STK32A: variants seen among roughly 807,000 people sequenced by gnomAD.
The protein encoded by STK32A is serine/threonine-protein kinase 32A.
A neutral mutation model predicts 53.2 loss-of-function variants in STK32A; 41 were observed. That is an observed-to-expected ratio of 0.77 (90% CI 0.60 to 1.00). STK32A has a LOEUF of 1.00. Among genes scored for constraint, STK32A ranks in the 50% least tolerant of loss-of-function variants. STK32A has a pLI of 0.00. For missense variants in STK32A, 458 were observed against 485.8 expected (o/e 0.94, Z 0.54); for synonymous variants, 166 against 162.8 (o/e 1.02, Z -0.15).
intron 11 of STK32A, among the ~76,000 whole-genome samples, chr5:147,376,315 C>A (rs17106590): frequency 0.027 from 4,042 of 152,198 alleles, 184 homozygotes; most frequent in East Asian, 0.2. Context: ...GTGCTGCTAA[C>A]CCGTCTTGCA....
chr5:147,380,686 C>T (rs1358252668), intron 11 of STK32A, among the ~76,000 whole-genome samples: 1 of 152,148 alleles, frequency 6.6e-6, no homozygotes, highest in Non-Finnish European at 1.5e-5. Flanking sequence ...AGTGTCAAAG[C>T]AAATGCTTTG....
intron 8 of STK32A, 67 bp downstream of exon 8, chr5:147,361,681 A>C: frequency 6.1e-6 from 7 of 1,142,688 alleles, no homozygotes; most frequent in South Asian, 1.3e-5. Context: ...GAAAGAATGT[A>C]TTGTTTGCTA....
In STK32A at chr5:147,252,186, C is replaced by T. The variant is rs188322463; in HGVS notation, c.52+12500C>T. On this transcript the variant is annotated intron_variant, in intron 2 of 12. Transcript: ENST00000397936. ...CAATTTATTTCATCATCATTGTCAT[C>T]ATCATTGTCACTGCTCACTCTTCAA... 3.4e-3 allele frequency among the ~76,000 whole-genome samples: 525 copies of T among 152,308 alleles called. 4 individuals carry two copies. Among genetic ancestry groups the T allele is most frequent in the African/African-American group, 0.012 (487 of 41,556 alleles).
chr5:147,280,298 G>T (rs1045703268), intron 4 of STK32A, among the ~76,000 whole-genome samples: 1 of 151,922 alleles, frequency 6.6e-6, no homozygotes, highest in African/African-American at 2.4e-5. Context: ...GACTCCGGGG[G>T]CAGGGGATAA....
intron 5 of STK32A, among the ~76,000 whole-genome samples, chr5:147,337,917 G>A (rs1226243529): frequency 6.6e-6 from 1 of 152,168 alleles, no homozygotes; most frequent in African/African-American, 2.4e-5. Context: ...AAAAGGAGAT[G>A]ATTAAGGAAG....
chr5:147,257,547 T>C (rs1754288665), intron 2 of STK32A, among the ~76,000 whole-genome samples: 1 of 152,178 alleles, frequency 6.6e-6, no homozygotes, highest in Admixed American at 6.5e-5. Context: ...GTTAAATTTT[T>C]CTTAGCTTTA....
intron 2 of STK32A, among the ~76,000 whole-genome samples, chr5:147,265,098 T>G (rs193181681): frequency 2.5e-4 from 2 of 8,084 alleles, no homozygotes; most frequent in Non-Finnish European, 4.5e-4. Flanking sequence ...TATATGTGTG[T>G]ATATATATAT....
the STK32A span, chr5:147,401,817 G>T: frequency 8.2e-7 from 1 of 1,222,898 alleles, no homozygotes; most frequent in Non-Finnish European, 1.1e-6. Context: ...ACTGACCTGG[G>T]TTCAAGTCCA....
downstream of STK32A, chr5:147,391,793 C>T (rs976054961): frequency 2.0e-5 from 3 of 152,168 alleles, no homozygotes; most frequent in Admixed American, 2.0e-4. Context: ...CATGTTGTTC[C>T]TCCCAAGGGC....
chr5:147,307,617 G>A (rs1018203472), intron 4 of STK32A, among the ~76,000 whole-genome samples: 2 of 113,848 alleles, frequency 1.8e-5, no homozygotes, highest in Non-Finnish European at 3.4e-5. Flanking sequence ...AGATCCAGAC[G>A]CTGTCTCAAA....
intron 5 of STK32A, among the ~76,000 whole-genome samples, chr5:147,328,204 C>T (rs985425728): frequency 2.0e-5 from 3 of 152,170 alleles, no homozygotes; most frequent in African/African-American, 7.2e-5. Flanking sequence ...GATGGAAGTC[C>T]TCACTTGTTT....
At position 147,323,946 on chromosome 5, in the gene STK32A, G is replaced by A; in HGVS notation, c.309G>A (p.Leu103=). The change falls in exon 5 of 13, where the codon CTG becomes CTA. Residue 103 remains leucine (L), a synonymous_variant. Coordinates refer to ENST00000397936, the MANE Select transcript of STK32A (RefSeq NM_001112724.2). ...EEDMFMVVDL[L]LGGDLRYHLQ... is the part of the protein sequence containing the mutation. Reference sequence around the variant, plus strand: ...ACATGTTCATGGTGGTGGACCTCCTGCTGGGTGGAGACCTGCGTTATCACC... The same window carrying A: ...ACATGTTCATGGTGGTGGACCTCCTACTGGGTGGAGACCTGCGTTATCACC... The A allele has an allele frequency of 1.2e-6, 2 of 1,613,560 alleles. No homozygotes were observed.
intron 2 of STK32A, among the ~76,000 whole-genome samples, chr5:147,266,073 C>CTGTAA (rs1754795632): frequency 6.6e-6 from 1 of 152,172 alleles, no homozygotes; most frequent in Admixed American, 6.5e-5. Context: ...ATGTCAGCAC[C>CTGTAA]TTTCTGTTGC....
Position 147,239,556 on chromosome 5 carries a change from C to G in STK32A, c.-79C>G. ...TATCCTAGATATCCAACTAAGGCTT[C>G]GGGACATGTTTTGAGCGAAGATGGG... On this transcript the variant is annotated 5_prime_UTR_variant, in exon 2 of 13. Transcript: ENST00000397936. 1 of 1,125,070 alleles carries G rather than the reference C, an allele frequency of 8.9e-7. No individual in the cohort carries two copies. Among genetic ancestry groups the G allele is most frequent in the South Asian group, 1.4e-5 (1 of 70,628 alleles). The allele number at this position is 1,125,070 out of a possible 1,614,324, so 69.7% of individuals were successfully genotyped here. A position where few individuals can be genotyped will look rare whatever the true frequency, so the allele number is the denominator to read the frequency against.
chr5:147,253,917 G>A (rs1326506329), intron 2 of STK32A, among the ~76,000 whole-genome samples: 1 of 152,150 alleles, frequency 6.6e-6, no homozygotes, highest in East Asian at 1.9e-4. Flanking sequence ...ATTCAGTTAA[G>A]GACAAAAATA....
the STK32A span, chr5:147,397,970 T>C: frequency 1.0e-6 from 1 of 989,864 alleles, no homozygotes; most frequent in Admixed American, 3.0e-5. Context: ...AAGCTCACCA[T>C]GCATCTGCAA....
At chr5:147,374,804 C>T (rs1291020646) in intron 10 of STK32A, among the ~76,000 whole-genome samples, 1 of 152,076 alleles carries the variant, frequency 6.6e-6, no homozygotes, top group East Asian at 1.9e-4. Context: ...ATTATTAGAG[C>T]GCACTTTCGG....
chr5:147,252,468 C>T (rs1173630498), intron 2 of STK32A, among the ~76,000 whole-genome samples: 8 of 151,992 alleles, frequency 5.3e-5, no homozygotes, highest in East Asian at 1.9e-4. Flanking sequence ...GATATGATAT[C>T]GAGGCTGTCA....
At chr5:147,300,395 A>G (rs1188628477) in intron 4 of STK32A, among the ~76,000 whole-genome samples, 3 of 152,210 alleles carry the variant, frequency 2.0e-5, no homozygotes, top group Non-Finnish European at 1.5e-5. Flanking sequence ...CTGCAAAAAT[A>G]TGTAAGGAAC....
Sources: allele counts gnomAD v4.1 joint callset (sites outside exome capture counted in the v4.1 genomes callset), GRCh38; gene constraint gnomAD v4.1.1; transcripts MANE v1.5; gene names NCBI Gene and HGNC (gene_info 2026-07-23, HGNC 2026-07-21).